CTNND2: variants seen among roughly 807,000 people sequenced by gnomAD.
CTNND2 encodes catenin delta-2.
Under a neutral mutation model 144.4 loss-of-function variants are expected in CTNND2, and 22 were observed. The observed-to-expected ratio is 0.15, with a 90% CI of 0.11 to 0.22. The LOEUF (loss-of-function observed/expected upper bound fraction) is 0.22, where lower values mean the gene tolerates loss of function less well. Ranked by LOEUF, CTNND2 falls within the 10% of genes least tolerant of loss-of-function variation. CTNND2 has a pLI of 1.00. For missense variants in CTNND2, 1,353 were observed against 1,618.8 expected (o/e 0.84, Z 2.82); for synonymous variants, 751 against 695.6 (o/e 1.08, Z -1.25).
chr5:11,022,243 A>C (rs1390356356), intron 17 of CTNND2, among the ~76,000 whole-genome samples: 1 of 152,180 alleles, frequency 6.6e-6, no homozygotes, highest in Non-Finnish European at 1.5e-5. Flanking sequence ...TTAGATTGGA[A>C]AGTATAGGCA....
chr5:11,535,681 GAATTGGT>G (rs1774143071), intron 3 of CTNND2, among the ~76,000 whole-genome samples: 1 of 152,122 alleles, frequency 6.6e-6, no homozygotes, highest in Admixed American at 6.6e-5. Flanking sequence ...CAGAAAAGTG[GAATTGGT>G]AAAATATAAA....
At chr5:11,298,264 G>C (rs1321813618) in intron 9 of CTNND2, among the ~76,000 whole-genome samples, 1 of 152,136 alleles carries the variant, frequency 6.6e-6, no homozygotes, top group Non-Finnish European at 1.5e-5. Flanking sequence ...TCAGACTCCA[G>C]GGTTCAAGTG....
intron 2 of CTNND2, among the ~76,000 whole-genome samples, chr5:11,713,564 A>C (rs1035998845): frequency 6.9e-6 from 1 of 144,720 alleles, no homozygotes; most frequent in Non-Finnish European, 1.5e-5. Flanking sequence ...AGTCTGGGTG[A>C]CAGAGTGAGA....
At chr5:11,794,920 G>A (rs565167019) in intron 1 of CTNND2, among the ~76,000 whole-genome samples, 1 of 152,174 alleles carries the variant, frequency 6.6e-6, no homozygotes, top group African/African-American at 2.4e-5. Flanking sequence ...CATGGTATTA[G>A]CCCCATACAA....
intron 3 of CTNND2, among the ~76,000 whole-genome samples, chr5:11,442,848 TATA>T (rs973774814): frequency 3.4e-5 from 5 of 145,450 alleles, no homozygotes; most frequent in South Asian, 2.1e-4. Context: ...TTTTATATAA[TATA>T]ATGATTATAT....
chr5:11,458,343 G>A (rs987959370), intron 3 of CTNND2, among the ~76,000 whole-genome samples: 2 of 152,230 alleles, frequency 1.3e-5, no homozygotes, highest in Non-Finnish European at 2.9e-5. Flanking sequence ...ATACACACAG[G>A]ATGGGAGTGA....
chr5:11,831,474 C>T (rs1793897965), intron 1 of CTNND2, among the ~76,000 whole-genome samples: 1 of 151,896 alleles, frequency 6.6e-6, no homozygotes, highest in African/African-American at 2.4e-5. Flanking sequence ...CGAGACCATC[C>T]TGGCTAACAC....
intron 16 of CTNND2, among the ~76,000 whole-genome samples, chr5:11,062,187 A>G (rs1747064366): frequency 6.6e-6 from 1 of 152,224 alleles, no homozygotes; most frequent in Admixed American, 6.5e-5. Flanking sequence ...AAATTACACT[A>G]AACCCTTGAA....
At chr5:11,138,813 C>T (rs1263959967) in intron 12 of CTNND2, among the ~76,000 whole-genome samples, 1 of 152,150 alleles carries the variant, frequency 6.6e-6, no homozygotes, top group Non-Finnish European at 1.5e-5. Context: ...CTGCTCCATA[C>T]ATATCTCCAG....
At chr5:11,875,012 G>T (rs899945442) in intron 1 of CTNND2, among the ~76,000 whole-genome samples, 2 of 152,222 alleles carry the variant, frequency 1.3e-5, no homozygotes, top group East Asian at 1.9e-4. Context: ...ATCACAAATT[G>T]GTTTGCCCAT....
chr5:11,721,447 TG>T (rs1438613798), intron 2 of CTNND2, among the ~76,000 whole-genome samples: 2 of 152,218 alleles, frequency 1.3e-5, no homozygotes, highest in African/African-American at 4.8e-5. Flanking sequence ...CTAACATGAC[TG>T]ATTTTTTATA....
chr5:11,344,133 G>A (rs1027249637), intron 9 of CTNND2, among the ~76,000 whole-genome samples: 5 of 152,164 alleles, frequency 3.3e-5, no homozygotes, highest in Non-Finnish European at 5.9e-5. Flanking sequence ...TGCCGGGCGC[G>A]GTGGCTCACG....
At chr5:11,377,824 G>C (rs1175573494) in intron 7 of CTNND2, among the ~76,000 whole-genome samples, 2 of 152,164 alleles carry the variant, frequency 1.3e-5, no homozygotes, top group Admixed American at 1.3e-4. Flanking sequence ...GTTTGACCTG[G>C]ACATCAGTTG....
intron 1 of CTNND2, among the ~76,000 whole-genome samples, chr5:11,789,794 T>G (rs1306469115): frequency 6.6e-6 from 1 of 152,222 alleles, no homozygotes; most frequent in Non-Finnish European, 1.5e-5. Flanking sequence ...ATTCCAGATT[T>G]TAATTAAAAT....
At chr5:11,826,483 G>A (rs993755667) in intron 1 of CTNND2, among the ~76,000 whole-genome samples, 48 of 152,052 alleles carry the variant, frequency 3.2e-4, no homozygotes, top group African/African-American at 1.1e-3. Flanking sequence ...GATCAAAATG[G>A]TTGATGTAAA....
At chr5:11,353,634 CT>C (rs1195134936) in intron 8 of CTNND2, among the ~76,000 whole-genome samples, 1 of 152,050 alleles carries the variant, frequency 6.6e-6, no homozygotes, top group Non-Finnish European at 1.5e-5. Context: ...GAAACCCCGT[CT>C]CTACTAAAAA....
intron 16 of CTNND2, among the ~76,000 whole-genome samples, chr5:11,059,964 G>A (rs12518777): frequency 0.28 from 42,045 of 151,874 alleles, 6,747 homozygotes; most frequent in Non-Finnish European, 0.37. Context: ...GAAGAAAAAG[G>A]AAGAAGTAAA....
chr5:11,300,820 C>T (rs1385328211), intron 9 of CTNND2, among the ~76,000 whole-genome samples: 1 of 152,142 alleles, frequency 6.6e-6, no homozygotes, highest in African/African-American at 2.4e-5. Flanking sequence ...ACTCCCATCC[C>T]CTCAAGGGTG....
At chr5:11,491,243 T>A (rs188315905) in intron 3 of CTNND2, among the ~76,000 whole-genome samples, 359 of 152,288 alleles carry the variant, frequency 2.4e-3, no homozygotes, top group African/African-American at 8.5e-3. Flanking sequence ...CATGTCCACC[T>A]CCAGGCTCTT....
Sources: allele counts gnomAD v4.1 joint callset (sites outside exome capture counted in the v4.1 genomes callset), GRCh38; gene constraint gnomAD v4.1.1; transcripts MANE v1.5; gene names NCBI Gene and HGNC (gene_info 2026-07-23, HGNC 2026-07-21).